Variants in HHAT observed in about 807,000 individuals in gnomAD.
HHAT encodes the protein hedgehog acyltransferase.
A neutral mutation model predicts 70.8 loss-of-function variants in HHAT; 47 were observed. That is an observed-to-expected ratio of 0.66 (90% CI 0.53 to 0.85). HHAT has a LOEUF of 0.85. Among genes scored for constraint, HHAT ranks in the 40% least tolerant of loss-of-function variants. The pLI, the probability that HHAT is intolerant of heterozygous loss-of-function variation, is 0.00. For missense variants in HHAT, 609 were observed against 604.8 expected, an observed-to-expected ratio of 1.01 and a Z score of -0.07; for synonymous variants, 228 against 247.6, an observed-to-expected ratio of 0.92 and a Z score of 0.74.
At chr1:210,432,482 T>G (rs963191226) in intron 7 of HHAT, among the ~76,000 whole-genome samples, 2 of 151,964 alleles carry the variant, frequency 1.3e-5, no homozygotes, top group African/African-American at 4.9e-5. Flanking sequence ...AGGTCATAAT[T>G]GACTTTGGTC....
At chr1:210,666,822 G>A (rs930612158) in intron 11 of HHAT, among the ~76,000 whole-genome samples, 6 of 152,032 alleles carry the variant, frequency 3.9e-5, no homozygotes, top group Admixed American at 1.3e-4. Context: ...GCCAGGTACC[G>A]TGGCTCACGC....
intron 11 of HHAT, among the ~76,000 whole-genome samples, chr1:210,627,632 T>G (rs919517679): frequency 7.2e-5 from 11 of 152,226 alleles, no homozygotes; most frequent in African/African-American, 2.6e-4. Flanking sequence ...TCTGGTAATA[T>G]GTCATCCACA....
At position 210,564,662 on chromosome 1, in the gene HHAT, C is replaced by T. The variant is rs375635094; in HGVS notation, c.1044-23236C>T. On this transcript the variant is annotated intron_variant, in intron 9 of 11. Coordinates refer to ENST00000261458, the MANE Select transcript of HHAT (RefSeq NM_018194.6). ...GGTAAGGAGTACAGTAGTGGTAAGA[C>T]ATAAAGCAGAAATTATCTAAAGAGG... Among the ~76,000 whole-genome samples, 19 of 152,252 alleles carry T rather than the reference C, an allele frequency of 1.2e-4. 1 individual carries two copies. Among genetic ancestry groups the T allele is most frequent in the East Asian group, 1.2e-3 (6 of 5,180 alleles).
At chr1:210,344,484 G>C (rs574827543) in intron 1 of HHAT, among the ~76,000 whole-genome samples, 7 of 152,214 alleles carry the variant, frequency 4.6e-5, no homozygotes, top group Admixed American at 2.6e-4. Flanking sequence ...ATGTAACTGA[G>C]TGTCCTATTA....
intron 9 of HHAT, among the ~76,000 whole-genome samples, chr1:210,575,156 C>G (rs759882351): frequency 6.6e-6 from 1 of 152,144 alleles, no homozygotes; most frequent in Admixed American, 6.5e-5. Context: ...CTCCTCCTGA[C>G]TCTGTGGTGG....
chr1:210,593,583 C>G lies in HHAT; in HGVS notation c.1245+5484C>G, dbSNP rs191813076. ...AAATGTTTTAAGACTTATTTTGTGGCCTAACATATGGTCTATCCTTGATAA... is the reference window on the plus strand; with the variant it reads ...AAATGTTTTAAGACTTATTTTGTGGGCTAACATATGGTCTATCCTTGATAA... On this transcript the variant is annotated intron_variant, in intron 10 of 11. Coordinates refer to ENST00000261458, the MANE Select transcript of HHAT (RefSeq NM_018194.6). 6.9e-4 allele frequency among the ~76,000 whole-genome samples: 105 copies of G among 152,188 alleles called. No homozygotes were observed. In the Middle Eastern group the frequency reaches 0.01, roughly 15 times the overall value.
chr1:210,484,809 T>C (rs2094450091), intron 8 of HHAT, among the ~76,000 whole-genome samples: 1 of 152,214 alleles, frequency 6.6e-6, no homozygotes, highest in South Asian at 2.1e-4. Context: ...TATTTTTTGG[T>C]GCTCACATTG....
At chr1:210,354,728 C>A (rs188939207) in intron 2 of HHAT, among the ~76,000 whole-genome samples, 2 of 151,856 alleles carry the variant, frequency 1.3e-5, no homozygotes, top group South Asian at 4.2e-4. Context: ...AATACTGTGC[C>A]GTTTTAATTA....
chr1:210,511,244 C>T (rs1054182233), intron 8 of HHAT, among the ~76,000 whole-genome samples: 4 of 152,140 alleles, frequency 2.6e-5, no homozygotes, highest in Admixed American at 2.0e-4. Context: ...TAGAGAAGAG[C>T]TCTGTGCAGA....
At chr1:210,464,444 C>G (rs1454256824) in intron 7 of HHAT, 61 bp from the exon 8 acceptor site, 3 of 1,570,174 alleles carry the variant, frequency 1.9e-6, no homozygotes, top group African/African-American at 1.3e-5. Flanking sequence ...GGGTGTTGGT[C>G]TCCTCCAGGA....
In HHAT at chr1:210,414,784, G is replaced by A. The variant is rs762917101; in HGVS notation, c.685-3370G>A. On this transcript the variant is annotated intron_variant, in intron 6 of 11. Transcript: ENST00000261458. ...TGTAATCCTAGCGCTTTGGGAGGCC[G>A]AGGTGGGCGGATCACTGGAGGTCAG... Among the ~76,000 whole-genome samples the A allele has an allele frequency of 3.2e-4, 49 of 152,162 alleles. 1 individual carries two copies. The highest frequency in any genetic ancestry group is 8.8e-5 in the Non-Finnish European group (6 of 68,030).
intron 10 of HHAT, among the ~76,000 whole-genome samples, chr1:210,604,055 G>A (rs887615197): frequency 3.3e-5 from 5 of 152,132 alleles, no homozygotes; most frequent in African/African-American, 1.2e-4. Flanking sequence ...ACTGACTGCA[G>A]CTATTAACAG....
At chr1:210,577,118 T>C (rs1657979031) in intron 9 of HHAT, among the ~76,000 whole-genome samples, 1 of 152,052 alleles carries the variant, frequency 6.6e-6, no homozygotes, top group Admixed American at 6.6e-5. Flanking sequence ...TAAGATCATG[T>C]CATCTATAAA....
rs765992869 is a variant in HHAT at position 210,448,614 on chromosome 1, C to CAG, written c.857-15880_857-15879dup. On this transcript the variant is annotated intron_variant, in intron 7 of 11. Coordinates refer to ENST00000261458, the MANE Select transcript of HHAT (RefSeq NM_018194.6). ...GGCAGGATGGGTGTTGCTTCTAGACCAGAGAGAGAGAGTCTACCAAAGTAG... is the reference window on the plus strand; with the variant it reads ...GGCAGGATGGGTGTTGCTTCTAGACCAGAGAGAGAGAGAGTCTACCAAAGTAG... Among the ~76,000 whole-genome samples, 22 of 151,934 alleles carry CAG rather than the reference C, an allele frequency of 1.4e-4. 1 individual carries two copies. The highest frequency in any genetic ancestry group is 2.1e-4 in the Non-Finnish European group (14 of 67,964).
chr1:210,561,112 G>A (rs2095619431), intron 9 of HHAT, among the ~76,000 whole-genome samples: 1 of 152,156 alleles, frequency 6.6e-6, no homozygotes, highest in Non-Finnish European at 1.5e-5. Context: ...CTGAGGTGTG[G>A]GGTAAGTCCC....
At chr1:210,600,254 C>G (rs1446021126) in intron 10 of HHAT, among the ~76,000 whole-genome samples, 6 of 152,162 alleles carry the variant, frequency 3.9e-5, no homozygotes, top group Admixed American at 2.0e-4. Flanking sequence ...TATCCCAATT[C>G]CTGGCACAGT....
intron 9 of HHAT, among the ~76,000 whole-genome samples, chr1:210,520,234 C>G (rs938043235): frequency 6.6e-6 from 1 of 152,038 alleles, no homozygotes; most frequent in Non-Finnish European, 1.5e-5. Context: ...CCAGGCTGGT[C>G]TCGAACTCCT....
chr1:210,622,659 G>T (rs1282174466), intron 10 of HHAT, among the ~76,000 whole-genome samples: 1 of 152,206 alleles, frequency 6.6e-6, no homozygotes, highest in Non-Finnish European at 1.5e-5. Flanking sequence ...CAGTGCCGAC[G>T]TGTGCTGCGG....
At chr1:210,351,057 A>T (rs1428285749) in intron 2 of HHAT, among the ~76,000 whole-genome samples, 1 of 152,196 alleles carries the variant, frequency 6.6e-6, no homozygotes, top group Admixed American at 6.5e-5. Flanking sequence ...CCACACAATT[A>T]TAGAGGCTGA....
Sources: allele counts gnomAD v4.1 joint callset (sites outside exome capture counted in the v4.1 genomes callset), GRCh38; gene constraint gnomAD v4.1.1; transcripts MANE v1.5; gene names NCBI Gene and HGNC (gene_info 2026-07-23, HGNC 2026-07-21).